SLC6A4: variants seen among roughly 807,000 people sequenced by gnomAD.
The protein encoded by SLC6A4 is sodium-dependent serotonin transporter.
In SLC6A4, 22 loss-of-function variants were observed where a neutral mutation model predicts 73.4. That is an observed-to-expected ratio of 0.30 (90% CI 0.21 to 0.43). The LOEUF (loss-of-function observed/expected upper bound fraction) is 0.43. SLC6A4 is among the 20% of genes least tolerant of loss of function. The pLI, the probability that SLC6A4 is intolerant of heterozygous loss-of-function variation, is 1.00. For synonymous variants in SLC6A4, 270 were observed against 315.5 expected (o/e 0.86, Z 1.53); for missense variants, 593 against 808.5 (o/e 0.73, Z 3.23).
chr17:30,212,939 T>A (rs1906434624), intron 8 of SLC6A4, 72 bp from the exon 9 acceptor site: 4 of 1,529,346 alleles, frequency 2.6e-6, no homozygotes, highest in Non-Finnish European at 3.6e-6. Flanking sequence ...TCTGTCCGTG[T>A]GCCTGCCCTG....
intron 8 of SLC6A4, among the ~76,000 whole-genome samples, chr17:30,214,461 T>C (rs761349074): frequency 1.4e-4 from 21 of 149,392 alleles, no homozygotes; most frequent in African/African-American, 3.9e-4. Flanking sequence ...AGAAAAATTA[T>C]GGTATTTTGT....
At chr17:30,206,224 T>C (rs542936283) in intron 13 of SLC6A4, 5 of 142,942 alleles carry the variant, frequency 3.5e-5, no homozygotes, top group South Asian at 2.2e-4. Context: ...TCTAACAACA[T>C]TTCTGGCTCT....
intron 11 of SLC6A4, among the ~76,000 whole-genome samples, chr17:30,210,217 A>G (rs1906340859): frequency 6.6e-6 from 1 of 152,218 alleles, no homozygotes; most frequent in Admixed American, 6.5e-5. Flanking sequence ...AAAGAGTGGA[A>G]ATAGGCTGGA....
chr17:30,201,824 T>C (rs11080121), intron 14 of SLC6A4, among the ~76,000 whole-genome samples: 62,970 of 152,140 alleles, frequency 0.41, 14,540 homozygotes, highest in East Asian at 0.82. Flanking sequence ...GGCTGATATT[T>C]GGCCGGGTGC....
At chr17:30,200,278 T>C (rs924421601) in intron 14 of SLC6A4, among the ~76,000 whole-genome samples, 1 of 152,272 alleles carries the variant, frequency 6.6e-6, no homozygotes, top group Non-Finnish European at 1.5e-5. Flanking sequence ...GCCAGCATTC[T>C]AGTTGCCAGG....
At chr17:30,219,023 G>A in intron 3 of SLC6A4, 92 bp from the exon 4 acceptor site, 2 of 1,514,820 alleles carry the variant, frequency 1.3e-6, no homozygotes, top group East Asian at 2.3e-5. Flanking sequence ...GTCGCCGGAT[G>A]ATGTGAGTGT....
At chr17:30,233,993 G>A (rs1321489289) in intron 1 of SLC6A4, among the ~76,000 whole-genome samples, 1 of 152,104 alleles carries the variant, frequency 6.6e-6, no homozygotes, top group Non-Finnish European at 1.5e-5. Flanking sequence ...GTAAGAAACA[G>A]ACTGATCCAT....
At chr17:30,224,465 G>T (rs776522733) in intron 1 of SLC6A4, among the ~76,000 whole-genome samples, 1 of 152,082 alleles carries the variant, frequency 6.6e-6, no homozygotes, top group Non-Finnish European at 1.5e-5. Flanking sequence ...TGATCCACCC[G>T]CCTTGGCCTC....
At position 30,221,813 on chromosome 17, in the gene SLC6A4, G is replaced by A; in HGVS notation, c.146C>T (p.Ala49Val). 1 of 1,614,212 alleles carries A rather than the reference G, an allele frequency of 6.2e-7. No homozygotes were observed. Among genetic ancestry groups the A allele is most frequent in the Non-Finnish European group, 8.5e-7 (1 of 1,180,034 alleles). The part of the protein sequence containing the change: ...ESGQISNGYS[A>V]VPSPGAGDDT... ...ATCTCCCGCACCAGGACTTGGAACTGCTGAGTACCCATTGGATATTTGCCC... is the reference window on the plus strand; with the variant it reads ...ATCTCCCGCACCAGGACTTGGAACTACTGAGTACCCATTGGATATTTGCCC... The change falls in exon 3 of 15, where the codon GCA becomes GTA. Residue 49 changes from alanine to valine, a missense_variant. Coordinates refer to ENST00000650711, the MANE Select transcript of SLC6A4 (RefSeq NM_001045.6).
chr17:30,225,742 G>A (rs1906905008), intron 1 of SLC6A4, among the ~76,000 whole-genome samples: 2 of 152,170 alleles, frequency 1.3e-5, no homozygotes, highest in Admixed American at 6.5e-5. Flanking sequence ...AATGACAGCT[G>A]GCAGACAGAA....
intron 1 of SLC6A4, among the ~76,000 whole-genome samples, chr17:30,230,770 GAC>G: frequency 7.9e-5 from 12 of 152,312 alleles, no homozygotes; most frequent in African/African-American, 2.9e-4. Flanking sequence ...TGCTGGAGGA[GAC>G]GGGTGCATCC....
chr17:30,204,083 A>C (rs1010993433), intron 13 of SLC6A4, among the ~76,000 whole-genome samples: 1 of 152,250 alleles, frequency 6.6e-6, no homozygotes, highest in African/African-American at 2.4e-5. Context: ...TTTCACTTGA[A>C]CACTCTGTGA....
At chr17:30,224,934 C>T (rs902326447) in intron 1 of SLC6A4, among the ~76,000 whole-genome samples, 16 of 152,104 alleles carry the variant, frequency 1.1e-4, no homozygotes, top group South Asian at 2.1e-4. Flanking sequence ...AAGAGTAATA[C>T]GCTGTTTCTA....
chr17:30,212,913 AG>A, intron 8 of SLC6A4, 46 bp from the exon 9 acceptor site: 1 of 1,606,558 alleles, frequency 6.2e-7, no homozygotes, highest in Non-Finnish European at 8.5e-7. Flanking sequence ...TTCCAAGATC[AG>A]GGGTCTAAGG....
intron 13 of SLC6A4, among the ~76,000 whole-genome samples, chr17:30,207,349 C>G (rs886134915): frequency 2.0e-5 from 3 of 152,130 alleles, no homozygotes; most frequent in Admixed American, 6.5e-5. Flanking sequence ...CACTTACGAG[C>G]TGTATATTAA....
chr17:30,229,185 G>T (rs538289337), intron 1 of SLC6A4, among the ~76,000 whole-genome samples: 1 of 152,192 alleles, frequency 6.6e-6, no homozygotes, highest in Non-Finnish European at 1.5e-5. Context: ...GACATGCCCA[G>T]GATTAAAGAG....
In SLC6A4 at chr17:30,226,573, G is replaced by A. The variant is rs183182834; in HGVS notation, c.-220-3658C>T. 6.3e-3 allele frequency among the ~76,000 whole-genome samples: 955 copies of A among 152,272 alleles called. 9 individuals are homozygous for A. Among genetic ancestry groups the A allele is most frequent in the Non-Finnish European group, 9.9e-3 (671 of 68,016 alleles). Reference sequence around the variant, plus strand: ...AAAGTAGCTGGGTGTGGTGGCGGGTGCCTGTAATCTCAGCTACTTGTGAGG... The same window carrying A: ...AAAGTAGCTGGGTGTGGTGGCGGGTACCTGTAATCTCAGCTACTTGTGAGG... On this transcript the variant is annotated intron_variant, in intron 1 of 14. Coordinates refer to ENST00000650711, the MANE Select transcript of SLC6A4 (RefSeq NM_001045.6).
In SLC6A4 at chr17:30,214,782, G is replaced by A. The variant is rs534109059; in HGVS notation, c.1076+829C>T. The stretch of plus-strand genomic sequence containing the variant: ...TGAGTAGCTGGGACTACAGGCGCCC[G>A]CCACCACGCCCGGCTAATTTGTTTG... On this transcript the variant is annotated intron_variant, in intron 8 of 14. Transcript: ENST00000650711. Among the ~76,000 whole-genome samples, 758 of 151,480 alleles carry A rather than the reference G, an allele frequency of 5.0e-3. 4 individuals carry two copies. The highest frequency in any genetic ancestry group is 0.018 in the African/African-American group (726 of 41,318).
At position 30,211,287 on chromosome 17, in the gene SLC6A4, C is replaced by T. The variant is rs1906376902; in HGVS notation, c.1317+25G>A. ...CCTTTCCTCTTCATCCTCCCACAGC[C>T]CATTTCCCCTTCCCATTTCCTCACC... is the stretch of plus-strand genomic sequence containing the variant. On this transcript the variant is annotated intron_variant, in intron 10 of 14. Transcript: ENST00000650711. This position sits in a 1 kb window ranked among gnomAD's most constrained non-coding sequence, Gnocchi z 4.0. 1 of 1,413,556 alleles carries T rather than the reference C, an allele frequency of 7.1e-7. No individual in the cohort carries two copies. The highest frequency in any genetic ancestry group is 1.2e-5 in the South Asian group (1 of 86,646). The allele number at this position is 1,413,556 out of a possible 1,614,324, so 87.6% of individuals were successfully genotyped here. A position where few individuals can be genotyped will look rare whatever the true frequency, so the allele number is the denominator to read the frequency against.
Sources: gnomAD v4.1 joint callset for allele counts (sites outside exome capture counted in the v4.1 genomes callset) on GRCh38, gnomAD v4.1.1 for gene constraint, Gnocchi (gnomAD v3.1) non-coding constraint, MANE v1.5 for transcripts, NCBI Gene and HGNC (gene_info 2026-07-23, HGNC 2026-07-21) for gene names.